RAPGEF6: variants seen among roughly 807,000 people sequenced by gnomAD.
The protein encoded by RAPGEF6 is Rap guanine nucleotide exchange factor 6.
In RAPGEF6, 56 loss-of-function variants were observed where a neutral mutation model predicts 171.4. The ratio of observed to expected loss-of-function variants is 0.33; its 90% CI spans 0.26 to 0.41. The LOEUF (loss-of-function observed/expected upper bound fraction) is 0.41. Ranked by LOEUF, RAPGEF6 falls within the 10% of genes least tolerant of loss-of-function variation. The probability of loss-of-function intolerance (pLI) is 1.00; values close to 1 mark genes in which losing one functional copy is unlikely to be tolerated. For missense variants in RAPGEF6, 1,674 were observed against 1,921.4 expected, an observed-to-expected ratio of 0.87 and a Z score of 2.41; for synonymous variants, 692 against 650.1, an observed-to-expected ratio of 1.06 and a Z score of -0.98.
At chr5:131,611,101 A>AGTGGAGT (rs2150023743) in intron 1 of RAPGEF6, among the ~76,000 whole-genome samples, 1 of 152,328 alleles carries the variant, frequency 6.6e-6, no homozygotes, top group Non-Finnish European at 1.5e-5. Context: ...AACCACTGTT[A>AGTGGAGT]CAGTGCAGTC....
At chr5:131,536,585 G>A (rs1030294999) in intron 6 of RAPGEF6, among the ~76,000 whole-genome samples, 1 of 152,108 alleles carries the variant, frequency 6.6e-6, no homozygotes, top group African/African-American at 2.4e-5. Flanking sequence ...TATGAAATAT[G>A]ATCCACCCTT....
intron 7 of RAPGEF6, among the ~76,000 whole-genome samples, chr5:131,518,035 AC>A (rs1561529646): frequency 6.6e-6 from 1 of 152,072 alleles, no homozygotes; most frequent in African/African-American, 2.4e-5. Context: ...CGTTTAAGAA[AC>A]ATAATAAAAA....
rs750606805 is a variant in RAPGEF6 at position 131,430,875 on chromosome 5, T to C, written c.4449A>G (p.Thr1483=). The C allele has an allele frequency of 2.5e-6, 4 of 1,600,616 alleles. No homozygotes were observed. The African/African-American group carries it at 5.4e-5, about 22-fold the overall frequency. The stretch of plus-strand genomic sequence containing the variant: ...ACAACTTACCAATCAAGCCCTTTTC[T>C]GTACTTGAAGTGACAGTTTTATAAA... ...DPVYKTVTSS[T]EKGLIVYCVT... is the part of the protein sequence containing the mutation. The change falls in exon 26 of 28, where the codon ACA becomes ACG. Residue 1483 remains threonine (T), a synonymous_variant. Coordinates refer to ENST00000509018, the MANE Select transcript of RAPGEF6 (RefSeq NM_016340.6).
rs1759868448 is a variant in RAPGEF6 at position 131,537,776 on chromosome 5, AT to A, written c.495+10270del. ...ATTGAAGAAACTGCAGACAGAAAATATTTTGGGAAAATCCCATTAAAAATAA... is the reference window on the plus strand; with the variant it reads ...ATTGAAGAAACTGCAGACAGAAAATATTTGGGAAAATCCCATTAAAAATAA... On this transcript the variant is annotated intron_variant, in intron 6 of 27. Coordinates refer to ENST00000509018, the MANE Select transcript of RAPGEF6 (RefSeq NM_016340.6). Among the ~76,000 whole-genome samples the A allele has an allele frequency of 2.0e-5, 3 of 152,188 alleles. No individual in the cohort carries two copies. The South Asian group carries it at 6.2e-4, about 31-fold the overall frequency.
At chr5:131,460,565 C>T (rs968213391) in intron 19 of RAPGEF6, among the ~76,000 whole-genome samples, 3 of 152,096 alleles carry the variant, frequency 2.0e-5, no homozygotes, top group African/African-American at 7.2e-5. Context: ...ATCTTTATTC[C>T]TCTGTTTTAG....
At chr5:131,598,079 A>G (rs1265868541) in intron 3 of RAPGEF6, among the ~76,000 whole-genome samples, 1 of 152,196 alleles carries the variant, frequency 6.6e-6, no homozygotes, top group African/African-American at 2.4e-5. Flanking sequence ...AAAACCTGCT[A>G]TATTTATTAC....
chr5:131,500,469 A>G (rs1467875790), intron 11 of RAPGEF6, among the ~76,000 whole-genome samples: 1 of 152,180 alleles, frequency 6.6e-6, no homozygotes, highest in Non-Finnish European at 1.5e-5. Flanking sequence ...AAAATCACAG[A>G]GGCAGGGTCC....
intron 4 of RAPGEF6, among the ~76,000 whole-genome samples, chr5:131,581,416 C>G (rs191990450): frequency 2.2e-4 from 34 of 152,218 alleles, no homozygotes; most frequent in African/African-American, 7.5e-4. Flanking sequence ...CTTACTCAGG[C>G]CTTGGGTCTT....
chr5:131,607,014 G>A (rs1296577217), intron 1 of RAPGEF6, among the ~76,000 whole-genome samples: 1 of 152,132 alleles, frequency 6.6e-6, no homozygotes, highest in Non-Finnish European at 1.5e-5. Flanking sequence ...GCTCACAGTG[G>A]GTCCACTGAG....
rs528881883 is a variant in RAPGEF6 at position 131,586,033 on chromosome 5, CTG to C, written c.281+6348_281+6349del. Among the ~76,000 whole-genome samples, 16 of 152,246 alleles carry C rather than the reference CTG, an allele frequency of 1.1e-4. No individual in the cohort carries two copies. The South Asian group carries it at 3.3e-3, about 32-fold the overall frequency. ...CACATGTCATGAGGACCTCCTGAGG[CTG>C]TGTCACAGGCACACGTCCTCAGCCT... is the stretch of plus-strand genomic sequence containing the variant. On this transcript the variant is annotated intron_variant, in intron 4 of 27. Coordinates refer to ENST00000509018, the MANE Select transcript of RAPGEF6 (RefSeq NM_016340.6).
At position 131,439,565 on chromosome 5, in the gene RAPGEF6, A is replaced by G. The variant is rs576984715; in HGVS notation, c.3745+16T>C. On this transcript the variant is annotated intron_variant, in intron 24 of 27. Coordinates refer to ENST00000509018, the MANE Select transcript of RAPGEF6 (RefSeq NM_016340.6). ...GTTTAGTTTAACAAGAACTAGTTTG[A>G]AATGTTTTGTCTTACCTTTGTGAGG... 14 of 1,597,754 alleles carry G rather than the reference A, an allele frequency of 8.8e-6. No individual in the cohort carries two copies. In the East Asian group the frequency reaches 2.9e-4, roughly 33 times the overall value.
Position 131,425,526 on chromosome 5 carries a change from T to C in RAPGEF6, c.*1740A>G, listed in dbSNP as rs1751355091. The C allele has an allele frequency of 6.6e-6, 1 of 152,370 alleles. No individual in the cohort carries two copies. The highest frequency in any genetic ancestry group is 2.4e-5 in the African/African-American group (1 of 41,462). 9.4% of individuals were successfully genotyped at this position (152,370 alleles called of 1,614,324 possible). ...CCATTTCAAAGGACCAAGAAAGCTATGGAACCACCAAGCCTCATTCTATCA... is the reference window on the plus strand; with the variant it reads ...CCATTTCAAAGGACCAAGAAAGCTACGGAACCACCAAGCCTCATTCTATCA... On this transcript the variant is annotated 3_prime_UTR_variant, in exon 28 of 28. Transcript: ENST00000509018.
At position 131,426,272 on chromosome 5, in the gene RAPGEF6, CTTCA is replaced by C. The variant is rs1751389996; in HGVS notation, c.*990_*993del. 6.6e-6 allele frequency: 1 copy of C among 152,230 alleles called. No homozygotes were observed. The highest frequency in any genetic ancestry group is 1.5e-5 in the Non-Finnish European group (1 of 68,028). 9.4% of individuals were successfully genotyped at this position (152,230 alleles called of 1,614,324 possible). A position where few individuals can be genotyped will look rare whatever the true frequency, so the allele number is the denominator to read the frequency against. ...GAACACTGCATAAAGTCAAATTCGT[CTTCA>C]TTATTACAACACCCATGATAAGAAT... On this transcript the variant is annotated 3_prime_UTR_variant, in exon 28 of 28. Coordinates refer to ENST00000509018, the MANE Select transcript of RAPGEF6 (RefSeq NM_016340.6).
chr5:131,431,213 T>C lies in RAPGEF6; in HGVS notation c.4111A>G (p.Ser1371Gly), dbSNP rs756723108. ...AGGCTTTGGAAGTTGTCATGGGAGC[T>C]GCTTGAACACGAAGTCCAACTTCCA... ...GRGSWTSCSS[S>G]SHDNFQSLPN... The change falls in exon 26 of 28, where the codon AGC (serine) becomes GGC (glycine). Residue 1371 changes from serine to glycine, a missense_variant. Around this residue, in one of 3 missense-constraint regions of RAPGEF6, gnomAD observed 552 missense variants for 574.2 expected, o/e 0.96. Coordinates refer to ENST00000509018, the MANE Select transcript of RAPGEF6 (RefSeq NM_016340.6). 2.5e-6 allele frequency: 4 copies of C among 1,614,224 alleles called. No homozygotes were observed. The East Asian group carries it at 6.7e-5, about 27-fold the overall frequency.
At position 131,504,595 on chromosome 5, in the gene RAPGEF6, A is replaced by AAAT. The variant is rs770626263; in HGVS notation, c.1254+30_1254+31insATT. Reference sequence around the variant, plus strand: ...AAAGCTTTGATGATAGAATAAAATCAGTGACTAGAAAAATAAGTAAAAACA... The same window carrying AAAT: ...AAAGCTTTGATGATAGAATAAAATCAAATGTGACTAGAAAAATAAGTAAAAACA... On this transcript the variant is annotated intron_variant, in intron 11 of 27. Coordinates refer to ENST00000509018, the MANE Select transcript of RAPGEF6 (RefSeq NM_016340.6). 5.9e-6 allele frequency: 9 copies of AAAT among 1,537,288 alleles called. No homozygotes were observed. The East Asian group carries it at 1.8e-4, about 32-fold the overall frequency.
chr5:131,469,779 C>T (rs1754618762), intron 17 of RAPGEF6: 1 of 1,480,996 alleles, frequency 6.8e-7, no homozygotes, highest in South Asian at 1.3e-5. Context: ...CAATAGAATA[C>T]TACAGTCTTT....
chr5:131,604,906 C>T (rs918154949), intron 1 of RAPGEF6, among the ~76,000 whole-genome samples: 5 of 152,086 alleles, frequency 3.3e-5, no homozygotes, highest in African/African-American at 7.2e-5. Context: ...TGACCAATGG[C>T]CTCTATTCAT....
At chr5:131,435,661 C>G (rs2149808568) in intron 24 of RAPGEF6, 1 of 311,626 alleles carries the variant, frequency 3.2e-6, no homozygotes, top group Admixed American at 4.9e-5. Context: ...CCTTCTCCCC[C>G]AATCAAAGAT....
intron 23 of RAPGEF6, 128 bp downstream of exon 23, chr5:131,442,221 T>TTCA: frequency 1.1e-6 from 1 of 896,162 alleles, no homozygotes; most frequent in South Asian, 2.9e-5. Flanking sequence ...ACATTTTTGA[T>TTCA]TCATAAAGTG....
Sources: gnomAD v4.1 joint callset for allele counts (sites outside exome capture counted in the v4.1 genomes callset) on GRCh38, gnomAD v4.1.1 for gene constraint, gnomAD v4.1.1 regional missense constraint, MANE v1.5 for transcripts, NCBI Gene and HGNC (gene_info 2026-07-23, HGNC 2026-07-21) for gene names.